Variants in SGCD observed in about 807,000 individuals in gnomAD.
The protein encoded by SGCD is sarcoglycan delta, also known as delta-sarcoglycan.
A neutral mutation model predicts 36.6 loss-of-function variants in SGCD; 18 were observed. The ratio of observed to expected loss-of-function variants is 0.49; its 90% CI spans 0.34 to 0.73. The LOEUF is 0.73. Among genes scored for constraint, SGCD ranks in the 30% least tolerant of loss-of-function variants. The pLI is 0.01. For synonymous variants in SGCD, 133 were observed against 130.6 expected, an observed-to-expected ratio of 1.02 and a Z score of -0.12; for missense variants, 387 against 346.7, an observed-to-expected ratio of 1.12 and a Z score of -0.92.
intron 4 of SGCD, among the ~76,000 whole-genome samples, chr5:156,537,478 C>CACACAT: frequency 6.7e-6 from 1 of 149,910 alleles, no homozygotes; most frequent in Non-Finnish European, 1.5e-5. Flanking sequence ...CACACACACA[C>CACACAT]ACACACACAC....
At chr5:156,476,647 G>A (rs1048987174) in intron 3 of SGCD, among the ~76,000 whole-genome samples, 3 of 152,164 alleles carry the variant, frequency 2.0e-5, no homozygotes, top group Non-Finnish European at 2.9e-5. Context: ...TAATGCTTCC[G>A]TAGCTAAATG....
chr5:156,687,631 G>A (rs373363831), intron 7 of SGCD, among the ~76,000 whole-genome samples: 96 of 152,254 alleles, frequency 6.3e-4, no homozygotes, highest in African/African-American at 2.1e-3. Context: ...GGCAGCCTCC[G>A]CCAGGAAAAT....
intron 3 of SGCD, among the ~76,000 whole-genome samples, chr5:156,179,569 T>C (rs1763553882): frequency 6.6e-6 from 1 of 152,056 alleles, no homozygotes; most frequent in Non-Finnish European, 1.5e-5. Context: ...ATATAGATTG[T>C]GTAATATATT....
At chr5:156,518,852 A>C (rs192020698) in intron 4 of SGCD, among the ~76,000 whole-genome samples, 59 of 152,340 alleles carry the variant, frequency 3.9e-4, no homozygotes, top group Non-Finnish European at 6.8e-4. Flanking sequence ...CAGTTAAAGC[A>C]GTGTTAAGAG....
chr5:156,122,968 G>C (rs901019761), intron 2 of SGCD, among the ~76,000 whole-genome samples: 6 of 149,624 alleles, frequency 4.0e-5, no homozygotes, highest in African/African-American at 1.5e-4. Context: ...AGGCAAGACA[G>C]GAATCAAGGT....
intron 1 of SGCD, among the ~76,000 whole-genome samples, chr5:155,977,287 A>G (rs151160153): frequency 1.3e-5 from 2 of 152,278 alleles, no homozygotes; most frequent in African/African-American, 4.8e-5. Context: ...TGTCTTCCAA[A>G]CTTGACTAGA....
At chr5:156,625,142 C>T (rs994258640) in intron 6 of SGCD, among the ~76,000 whole-genome samples, 1 of 152,194 alleles carries the variant, frequency 6.6e-6, no homozygotes, top group African/African-American at 2.4e-5. Context: ...GCCCCCTCCC[C>T]AGCACCATAG....
At chr5:156,212,434 C>A (rs1044453434) in intron 3 of SGCD, among the ~76,000 whole-genome samples, 1 of 152,122 alleles carries the variant, frequency 6.6e-6, no homozygotes, top group Non-Finnish European at 1.5e-5. Context: ...GGTATCAGTT[C>A]ATCAAGAGAT....
chr5:156,544,738 A>G (rs997708516), intron 4 of SGCD, among the ~76,000 whole-genome samples: 5 of 152,174 alleles, frequency 3.3e-5, no homozygotes, highest in Admixed American at 6.5e-5. Context: ...TTTAACATAC[A>G]CTCAAAGGTA....
chr5:156,102,291 A>G (rs898116066), intron 1 of SGCD, among the ~76,000 whole-genome samples: 1 of 152,142 alleles, frequency 6.6e-6, no homozygotes, highest in African/African-American at 2.4e-5. Flanking sequence ...TCTGTTTTAT[A>G]CCAGCTTCCA....
At chr5:156,070,347 T>C (rs1306031378) in intron 1 of SGCD, among the ~76,000 whole-genome samples, 1 of 151,940 alleles carries the variant, frequency 6.6e-6, no homozygotes, top group Admixed American at 6.5e-5. Context: ...TGAAGCGTTG[T>C]TGAATTTTGT....
chr5:156,281,456 G>A (rs1442209973), intron 3 of SGCD, among the ~76,000 whole-genome samples: 4 of 152,108 alleles, frequency 2.6e-5, no homozygotes, highest in Middle Eastern at 3.2e-3. Flanking sequence ...TGTGGAAAGC[G>A]GGGAGTGGTA....
chr5:155,949,489 T>A (rs1288745945), intron 1 of SGCD, among the ~76,000 whole-genome samples: 1 of 152,192 alleles, frequency 6.6e-6, no homozygotes, highest in Non-Finnish European at 1.5e-5. Context: ...TTCGTGAGAT[T>A]AAGTAATTTG....
chr5:155,865,510 A>C (rs4444953), upstream of SGCD, among the ~76,000 whole-genome samples: 7,522 of 152,232 alleles, frequency 0.049, 500 homozygotes, highest in African/African-American at 0.15. Flanking sequence ...TATTAAGTTA[A>C]AACCAAAAAT....
chr5:155,808,291 G>A, the SGCD span, among the ~76,000 whole-genome samples: 12 of 152,224 alleles, frequency 7.9e-5, no homozygotes, highest in African/African-American at 2.6e-4. Context: ...TCTGACCATT[G>A]GAAAGCAACA....
chr5:156,106,931 T>C (rs188980997), intron 1 of SGCD, among the ~76,000 whole-genome samples: 1 of 152,334 alleles, frequency 6.6e-6, no homozygotes, highest in East Asian at 1.9e-4. Context: ...CTGGAAAGAA[T>C]TGTTAACCAT....
chr5:155,928,931 T>G (rs1225783474), intron 1 of SGCD, among the ~76,000 whole-genome samples: 1 of 152,132 alleles, frequency 6.6e-6, no homozygotes, highest in East Asian at 1.9e-4. Flanking sequence ...CGTTAGGGGG[T>G]GTCTCTTGAA....
chr5:155,979,144 G>C (rs1332315679), intron 1 of SGCD, among the ~76,000 whole-genome samples: 7 of 152,178 alleles, frequency 4.6e-5, no homozygotes, highest in Admixed American at 4.6e-4. Flanking sequence ...TGTCTTGCCT[G>C]AACAGATTGG....
intron 7 of SGCD, among the ~76,000 whole-genome samples, chr5:156,709,153 A>G (rs1754874157): frequency 1.3e-5 from 2 of 152,140 alleles, no homozygotes; most frequent in South Asian, 4.2e-4. Flanking sequence ...ACTCAAAATA[A>G]TCCTTATGGC....
Sources: allele counts gnomAD v4.1 joint callset (sites outside exome capture counted in the v4.1 genomes callset), GRCh38; gene constraint gnomAD v4.1.1; transcripts MANE v1.5; gene names NCBI Gene and HGNC (gene_info 2026-07-23, HGNC 2026-07-21).